TMC3: variants seen among roughly 807,000 people sequenced by gnomAD.
The protein encoded by TMC3 is transmembrane channel-like protein 3.
TMC3 carries 98 observed loss-of-function variants against 110.6 expected under a neutral mutation model. The ratio of observed to expected loss-of-function variants is 0.89; its 90% CI spans 0.75 to 1.05. TMC3 has a LOEUF of 1.05. Among genes scored for constraint, TMC3 ranks in the 50% least tolerant of loss-of-function variants. The pLI is 0.00. For synonymous variants in TMC3, 489 were observed against 513.1 expected (o/e 0.95, Z 0.63); for missense variants, 1,319 against 1,373.2 (o/e 0.96, Z 0.62).
At chr15:81,355,797 A>G in intron 8 of TMC3, 29 bp from the exon 9 acceptor site, 3 of 1,406,266 alleles carry the variant, frequency 2.1e-6, no homozygotes, top group Non-Finnish European at 3.0e-6. Context: ...CAGCAATAAA[A>G]GCTTAGCATC....
In TMC3 at chr15:81,359,359, T is replaced by A. The variant is rs576978990; in HGVS notation, c.501+6A>T. On this transcript the variant is annotated splice_donor_region_variant and intron_variant, in intron 5 of 21. Coordinates refer to ENST00000359440, the MANE Select transcript of TMC3 (RefSeq NM_001080532.3). ...TAATGAGTGGTACTTTCCTGAAACA[T>A]CTTACCTCTGGAATGACAATAAAAG... 1 of 1,587,882 alleles carries A rather than the reference T, an allele frequency of 6.3e-7. No homozygotes were observed. The highest frequency in any genetic ancestry group is 8.6e-7 in the Non-Finnish European group (1 of 1,166,340).
Position 81,343,275 on chromosome 15 carries a change from T to C in TMC3, c.1715+3A>G. ...AAAGGCAAGAAGAAACTTTGATACC[T>C]ACCAAATCATTCCTTGGTTGTAGAC... On this transcript the variant is annotated splice_donor_region_variant and intron_variant, in intron 15 of 21. Transcript: ENST00000359440. 1 of 1,597,160 alleles carries C rather than the reference T, an allele frequency of 6.3e-7. No individual in the cohort carries two copies. The highest frequency in any genetic ancestry group is 8.6e-7 in the Non-Finnish European group (1 of 1,164,564).
chr15:81,336,329 C>T (rs1395508637), intron 20 of TMC3, among the ~76,000 whole-genome samples: 1 of 152,128 alleles, frequency 6.6e-6, no homozygotes, highest in Non-Finnish European at 1.5e-5. Flanking sequence ...TAGGGGCTAG[C>T]TCTCCCCAGC....
chr15:81,332,623 C>T lies in TMC3; in HGVS notation c.3099G>A (p.Arg1033=). Residue 1033 remains arginine (R), a synonymous_variant, in exon 22 of 22, where the codon AGG becomes AGA. Coordinates refer to ENST00000359440, the MANE Select transcript of TMC3 (RefSeq NM_001080532.3). ...CAGATTCCGTGAGGGATGGCTCGAA[C>T]CTGGGCTTCCCTCTGGGCTTCAGAG... is the stretch of plus-strand genomic sequence containing the variant. The part of the protein sequence containing the change: ...QPPLKPRGKP[R]FEPSLTESDS... The T allele has an allele frequency of 1.2e-6, 2 of 1,613,946 alleles. No individual in the cohort carries two copies. The highest frequency in any genetic ancestry group is 1.7e-6 in the Non-Finnish European group (2 of 1,179,880).
chr15:81,340,394 A>G (rs1893689823), intron 16 of TMC3, among the ~76,000 whole-genome samples: 2 of 152,188 alleles, frequency 1.3e-5, no homozygotes, highest in African/African-American at 2.4e-5. Context: ...CATATATAAC[A>G]TATATAAATA....
chr15:81,356,393 G>A, intron 8 of TMC3, 54 bp downstream of exon 8: 1 of 1,529,252 alleles, frequency 6.5e-7, no homozygotes, highest in South Asian at 1.2e-5. Context: ...GCCAGCGGCT[G>A]GCTCTGACCC....
intron 10 of TMC3, among the ~76,000 whole-genome samples, chr15:81,351,468 C>A (rs1377936568): frequency 6.6e-6 from 1 of 151,444 alleles, no homozygotes; most frequent in Admixed American, 6.6e-5. Flanking sequence ...TCTCCTGCCT[C>A]AGCCTCCTGA....
In TMC3 at chr15:81,358,010, C is replaced by A; in HGVS notation, c.743+139G>T. 3 of 1,065,780 alleles carry A rather than the reference C, an allele frequency of 2.8e-6. No homozygotes were observed. The South Asian group carries it at 5.4e-5, about 19-fold the overall frequency. The allele number at this position is 1,065,780 out of a possible 1,614,324, so 66.0% of individuals were successfully genotyped here. On this transcript the variant is annotated intron_variant, in intron 7 of 21. Transcript: ENST00000359440. Reference sequence around the variant, plus strand: ...ATTGACAAGATTAGATGACATTACACATATCATAACACTTGATATGTATTT... The same window carrying A: ...ATTGACAAGATTAGATGACATTACAAATATCATAACACTTGATATGTATTT...
intron 16 of TMC3, 27 bp from the exon 17 acceptor site, chr15:81,339,531 T>A: frequency 6.5e-7 from 1 of 1,537,784 alleles, no homozygotes; most frequent in Non-Finnish European, 8.9e-7. Flanking sequence ...TGTCATGTGT[T>A]AAGTTCACTC....
Position 81,343,341 on chromosome 15 carries a change from T to A in TMC3, c.1652A>T (p.Glu551Val), listed in dbSNP as rs759326407. The A allele has an allele frequency of 1.5e-5, 24 of 1,605,646 alleles. No homozygotes were observed. The highest frequency in any genetic ancestry group is 8.3e-5 in the Admixed American group (5 of 59,970). Residue 551 changes from glutamate (E) to valine (V), a missense_variant, in exon 15 of 22, where the codon GAA becomes GTA. Coordinates refer to ENST00000359440, the MANE Select transcript of TMC3 (RefSeq NM_001080532.3). ...WCWDLESKFP[E>V]YGEFKIAENV... ...CTCAGCTATTTTGAATTCTCCATATTCAGGCTACAAGAGAAAATAAACTTG... is the reference window on the plus strand; with the variant it reads ...CTCAGCTATTTTGAATTCTCCATATACAGGCTACAAGAGAAAATAAACTTG...
chr15:81,357,997 A>C (rs557297248), intron 7 of TMC3, among the ~76,000 whole-genome samples, 152 bp downstream of exon 7: 1 of 152,316 alleles, frequency 6.6e-6, no homozygotes, highest in South Asian at 2.1e-4. Context: ...TGACAAGATT[A>C]GATGACATTA....
intron 10 of TMC3, among the ~76,000 whole-genome samples, chr15:81,350,112 A>G (rs1893915475): frequency 6.6e-6 from 1 of 151,424 alleles, no homozygotes; most frequent in Admixed American, 6.6e-5. Flanking sequence ...GCACATGCCT[A>G]TGGTCCCAGC....
At position 81,372,603 on chromosome 15, in the gene TMC3, A is replaced by G; in HGVS notation, c.224T>C (p.Leu75Pro). 1.2e-6 allele frequency: 2 copies of G among 1,613,542 alleles called. No individual in the cohort carries two copies. The highest frequency in any genetic ancestry group is 8.5e-7 in the Non-Finnish European group (1 of 1,179,884). Residue 75 changes from leucine (L) to proline (P), a missense_variant, in exon 2 of 22, where the codon CTG becomes CCG. Physicochemically the swap from Leu to Pro is moderately conservative, Grantham distance 98 (BLOSUM62 -3). Transcript: ENST00000359440. ...RCRPWTMGQKLRALRQAKNIV... is the reference protein window; with the variant it reads ...RCRPWTMGQKPRALRQAKNIV... ...TTGAGGCCCTTACCTCAATGCCCTC[A>G]GCTTCTGTCCCATAGTCCAGGGTCT...
chr15:81,341,379 T>C lies in TMC3; in HGVS notation c.1844+11A>G. ...TAGTTATCTGCATGATCAGATCTTA[T>C]TCTTACTCACCTTGAGGCTCGAAAT... On this transcript the variant is annotated intron_variant, in intron 16 of 21. Transcript: ENST00000359440. The C allele has an allele frequency of 1.2e-6, 2 of 1,606,122 alleles. No homozygotes were observed. Among genetic ancestry groups the C allele is most frequent in the Non-Finnish European group, 1.7e-6 (2 of 1,175,862 alleles).
chr15:81,339,633 G>A (rs1399359845), intron 16 of TMC3, 129 bp from the exon 17 acceptor site: 9 of 692,794 alleles, frequency 1.3e-5, no homozygotes, highest in East Asian at 5.4e-5. Context: ...TCCTCTCAGG[G>A]TTACCTACAA....
chr15:81,363,740 C>T (rs1386215782), intron 3 of TMC3, among the ~76,000 whole-genome samples: 2 of 152,212 alleles, frequency 1.3e-5, no homozygotes, highest in African/African-American at 4.8e-5. Flanking sequence ...TAATGTTTAT[C>T]ATATCCTACC....
intron 4 of TMC3, among the ~76,000 whole-genome samples, chr15:81,361,230 C>A (rs1894181021): frequency 6.6e-6 from 1 of 151,950 alleles, no homozygotes; most frequent in African/African-American, 2.4e-5. Context: ...TCCTCCTTCA[C>A]TTTTATGATT....
In TMC3 at chr15:81,332,355, G is replaced by A; in HGVS notation, c.*64C>T. The A allele has an allele frequency of 6.6e-7, 1 of 1,507,500 alleles. No homozygotes were observed. Among genetic ancestry groups the A allele is most frequent in the Non-Finnish European group, 8.9e-7 (1 of 1,126,992 alleles). The allele number at this position is 1,507,500 out of a possible 1,614,324, so 93.4% of individuals were successfully genotyped here. On this transcript the variant is annotated 3_prime_UTR_variant, in exon 22 of 22. Coordinates refer to ENST00000359440, the MANE Select transcript of TMC3 (RefSeq NM_001080532.3). Reference sequence around the variant, plus strand: ...CACCTCTTTTTCCAGAAAGGGAGATGCCATGTGCTGGCCCAGCACTCCAAC... The same window carrying A: ...CACCTCTTTTTCCAGAAAGGGAGATACCATGTGCTGGCCCAGCACTCCAAC...
intron 1 of TMC3, 116 bp downstream of exon 1, chr15:81,373,873 T>G: frequency 1.1e-6 from 1 of 949,316 alleles, no homozygotes. Flanking sequence ...GTTTCTGAGT[T>G]CATTCTGAAG....
Sources: allele counts gnomAD v4.1 joint callset (sites outside exome capture counted in the v4.1 genomes callset), GRCh38; gene constraint gnomAD v4.1.1; transcripts MANE v1.5; gene names NCBI Gene and HGNC (gene_info 2026-07-23, HGNC 2026-07-21).